Variants in DNM3 observed in about 807,000 individuals in gnomAD.
DNM3 encodes dynamin 3, also known as dynamin-3.
In DNM3, 47 loss-of-function variants were observed where a neutral mutation model predicts 101.6. That is an observed-to-expected ratio of 0.46 (90% CI 0.37 to 0.59). The LOEUF is 0.59. Ranked by LOEUF, DNM3 falls within the 20% of genes least tolerant of loss-of-function variation. The pLI is 0.00. For missense variants in DNM3, 849 were observed against 1,085.7 expected, an observed-to-expected ratio of 0.78 and a Z score of 3.06; for synonymous variants, 385 against 387.9, an observed-to-expected ratio of 0.99 and a Z score of 0.09.
rs187214301 is a variant in DNM3, at chr1:172,316,996, T to C, written c.1882-6333T>C. Reference sequence around the variant, plus strand: ...TTGACCACATACTGGGAAGTAAAGCTCTCCTCAGCAAATTAAAAGAACAGA... The same window carrying C: ...TTGACCACATACTGGGAAGTAAAGCCCTCCTCAGCAAATTAAAAGAACAGA... On this transcript the variant is annotated intron_variant, in intron 16 of 20. Transcript: ENST00000627582. Among the ~76,000 whole-genome samples, 122 of 151,842 alleles carry C rather than the reference T, an allele frequency of 8.0e-4. 2 individuals carry two copies. The highest frequency in any genetic ancestry group is 1.3e-3 in the Non-Finnish European group (85 of 67,900).
intron 10 of DNM3, among the ~76,000 whole-genome samples, chr1:172,058,953 C>T (rs2125903019): frequency 6.6e-6 from 1 of 151,872 alleles, no homozygotes; most frequent in African/African-American, 2.4e-5. Context: ...GCTAGCAAGA[C>T]TAATAAAGGA....
At chr1:172,081,050 T>C (rs1370720786) in intron 11 of DNM3, among the ~76,000 whole-genome samples, 1 of 152,020 alleles carries the variant, frequency 6.6e-6, no homozygotes, top group Non-Finnish European at 1.5e-5. Context: ...GGGAGCTGCA[T>C]ACTGGAGCTG....
intron 14 of DNM3, among the ~76,000 whole-genome samples, chr1:172,142,420 A>G (rs892532489): frequency 2.0e-5 from 3 of 152,060 alleles, no homozygotes; most frequent in Admixed American, 6.6e-5. Flanking sequence ...TAATTGAAAA[A>G]TAAGTACTAT....
chr1:172,137,940 C>T (rs967772463), intron 14 of DNM3: 8 of 152,130 alleles, frequency 5.3e-5, no homozygotes, highest in Admixed American at 2.6e-4. Context: ...GCATTAACCA[C>T]TTTCCTTATG....
chr1:172,244,060 C>T (rs1227303666), intron 14 of DNM3, among the ~76,000 whole-genome samples: 1 of 152,108 alleles, frequency 6.6e-6, no homozygotes, highest in Non-Finnish European at 1.5e-5. Context: ...ATTCCCCTTC[C>T]TGTGTCCGTG....
At chr1:171,920,708 G>A (rs1177710650) in intron 1 of DNM3, among the ~76,000 whole-genome samples, 2 of 152,134 alleles carry the variant, frequency 1.3e-5, no homozygotes, top group Non-Finnish European at 2.9e-5. Flanking sequence ...AATTTATGTG[G>A]CATTGCAGAT....
At chr1:171,844,365 G>C (rs2031745541) in intron 1 of DNM3, among the ~76,000 whole-genome samples, 1 of 152,122 alleles carries the variant, frequency 6.6e-6, no homozygotes, top group Non-Finnish European at 1.5e-5. Context: ...TAAAAACCAA[G>C]GGTCATCACT....
intron 17 of DNM3, among the ~76,000 whole-genome samples, chr1:172,332,529 C>T (rs762398453): frequency 2.6e-5 from 4 of 152,246 alleles, no homozygotes; most frequent in Non-Finnish European, 4.4e-5. Context: ...AGGCTGGTCT[C>T]GAACTCCTGA....
At chr1:172,193,004 G>A (rs553772566) in intron 14 of DNM3, among the ~76,000 whole-genome samples, 13 of 151,536 alleles carry the variant, frequency 8.6e-5, no homozygotes, top group Non-Finnish European at 1.9e-4. Context: ...CAGTGTAAAA[G>A]TGTTCCAATT....
At chr1:171,878,280 G>A (rs1223644186) in intron 1 of DNM3, among the ~76,000 whole-genome samples, 2 of 151,850 alleles carry the variant, frequency 1.3e-5, no homozygotes, top group African/African-American at 4.8e-5. Context: ...TAATTCCTTG[G>A]GGATAGGGAC....
At chr1:172,095,950 A>G (rs1173224038) in intron 13 of DNM3, among the ~76,000 whole-genome samples, 1 of 152,202 alleles carries the variant, frequency 6.6e-6, no homozygotes, top group African/African-American at 2.4e-5. Flanking sequence ...TTCAAAACCT[A>G]TCTGTGTCAA....
intron 1 of DNM3, among the ~76,000 whole-genome samples, chr1:171,916,973 C>T (rs1361781196): frequency 6.6e-6 from 1 of 152,188 alleles, no homozygotes; most frequent in African/African-American, 2.4e-5. Context: ...TTGTTTCTGG[C>T]AGCTCCTCCA....
intron 6 of DNM3, among the ~76,000 whole-genome samples, chr1:172,034,762 A>C (rs542514254): frequency 3.9e-5 from 6 of 152,148 alleles, no homozygotes; most frequent in African/African-American, 1.4e-4. Context: ...CTGGAAAATG[A>C]CATGACGTTT....
At chr1:171,972,467 G>A (rs970198501) in intron 2 of DNM3, among the ~76,000 whole-genome samples, 29 of 152,234 alleles carry the variant, frequency 1.9e-4, no homozygotes, top group African/African-American at 6.8e-4. Flanking sequence ...GGCCTTGTTA[G>A]GTTGTTTTGA....
intron 13 of DNM3, among the ~76,000 whole-genome samples, chr1:172,114,839 A>T (rs2055772295): frequency 6.6e-6 from 1 of 152,196 alleles, no homozygotes; most frequent in Non-Finnish European, 1.5e-5. Context: ...TACAGTATGC[A>T]TAAGTTTTAT....
chr1:172,139,120 C>T (rs181395795), intron 14 of DNM3: 8 of 294,200 alleles, frequency 2.7e-5, no homozygotes, highest in Admixed American at 1.4e-4. Flanking sequence ...GGATAATTTG[C>T]GTAACAGAAA....
chr1:172,375,211 C>G (rs2068538167), intron 17 of DNM3, among the ~76,000 whole-genome samples: 2 of 152,030 alleles, frequency 1.3e-5, no homozygotes, highest in Non-Finnish European at 2.9e-5. Context: ...AGGAATCGCT[C>G]TGAGTCAAAA....
intron 1 of DNM3, among the ~76,000 whole-genome samples, chr1:171,886,998 C>T (rs1230734863): frequency 4.6e-5 from 7 of 152,022 alleles, no homozygotes; most frequent in East Asian, 1.9e-4. Flanking sequence ...TTGATAATAA[C>T]GTAAAATCGT....
chr1:172,247,486 A>G (rs1268523139), intron 14 of DNM3, among the ~76,000 whole-genome samples: 3 of 152,124 alleles, frequency 2.0e-5, no homozygotes, highest in Non-Finnish European at 4.4e-5. Flanking sequence ...ATAGCTTGAG[A>G]AAGATTGTCA....
Sources: gnomAD v4.1 joint callset for allele counts (sites outside exome capture counted in the v4.1 genomes callset) on GRCh38, gnomAD v4.1.1 for gene constraint, MANE v1.5 for transcripts, NCBI Gene and HGNC (gene_info 2026-07-23, HGNC 2026-07-21) for gene names.